The following IL1RAPL1 variants were observed in gnomAD, a reference collection of about 807,000 sequenced individuals.
IL1RAPL1 encodes interleukin-1 receptor accessory protein-like 1.
Under a neutral mutation model 48.4 loss-of-function variants are expected in IL1RAPL1, and 3 were observed. The observed-to-expected ratio is 0.06, with a 90% CI of 0.03 to 0.16. The LOEUF (loss-of-function observed/expected upper bound fraction) is 0.16, where lower values mean the gene tolerates loss of function less well. Among genes scored for constraint, IL1RAPL1 ranks in the 10% least tolerant of loss-of-function variants. The pLI is 1.00. For missense variants in IL1RAPL1, 349 were observed against 530.6 expected, an observed-to-expected ratio of 0.66 and a Z score of 3.36; for synonymous variants, 185 against 187.7, an observed-to-expected ratio of 0.99 and a Z score of 0.12.
chrX:29,631,795 AAAT>A (rs750171487), intron 5 of IL1RAPL1, among the ~76,000 whole-genome samples: 1 of 110,500 alleles, frequency 9.0e-6, no homozygotes, highest in Non-Finnish European at 1.9e-5. Context: ...ACTCTGTCTC[AAAT>A]AATAATAATA....
chrX:28,958,088 A>T (rs1466841433), intron 2 of IL1RAPL1, among the ~76,000 whole-genome samples: 1 of 111,975 alleles, frequency 8.9e-6, no homozygotes, highest in Non-Finnish European at 1.9e-5. Context: ...GCCAGTTATC[A>T]TATGCGTCAC....
intron 2 of IL1RAPL1, among the ~76,000 whole-genome samples, chrX:28,941,309 T>G (rs1266437298): frequency 9.0e-6 from 1 of 111,551 alleles, no homozygotes; most frequent in East Asian, 2.8e-4. Flanking sequence ...TCATTTTGTT[T>G]TTGACTTATC....
intron 2 of IL1RAPL1, among the ~76,000 whole-genome samples, chrX:28,947,764 T>C (rs961179083): frequency 1.8e-5 from 2 of 111,932 alleles, no homozygotes; most frequent in Non-Finnish European, 3.8e-5. Context: ...CAAGTAGTTA[T>C]ATGTACTACT....
At chrX:29,863,782 A>G (rs1931638106) in intron 6 of IL1RAPL1, among the ~76,000 whole-genome samples, 1 of 108,757 alleles carries the variant, frequency 9.2e-6, no homozygotes, top group Non-Finnish European at 1.9e-5. Flanking sequence ...CCACACATAC[A>G]ACTTTTTTTT....
intron 3 of IL1RAPL1, among the ~76,000 whole-genome samples, chrX:29,315,945 A>G (rs775778387): frequency 2.2e-4 from 25 of 111,860 alleles, no homozygotes; most frequent in Admixed American, 3.8e-4. Flanking sequence ...TCAAAGAACA[A>G]TCCAAAGGTT....
intron 5 of IL1RAPL1, among the ~76,000 whole-genome samples, chrX:29,535,134 CAAAAAA>C (rs35842937): frequency 1.3e-4 from 3 of 22,583 alleles, no homozygotes; most frequent in Admixed American, 7.6e-4. Context: ...ACTCTGTCTC[CAAAAAA>C]AAAAAAAAAA....
chrX:28,994,176 G>A (rs1219706000), intron 2 of IL1RAPL1, among the ~76,000 whole-genome samples: 1 of 111,509 alleles, frequency 9.0e-6, no homozygotes, highest in Non-Finnish European at 1.9e-5. Flanking sequence ...AAGCCAATAA[G>A]GAGCATTGAT....
intron 2 of IL1RAPL1, among the ~76,000 whole-genome samples, chrX:29,116,594 A>G (rs1305273971): frequency 8.9e-6 from 1 of 111,904 alleles, no homozygotes; most frequent in African/African-American, 3.2e-5. Context: ...CAGGAGAAAG[A>G]TAAAGAAATG....
chrX:28,647,925 C>CT (rs2146902202), intron 1 of IL1RAPL1, among the ~76,000 whole-genome samples: 1 of 111,819 alleles, frequency 8.9e-6, no homozygotes, highest in African/African-American at 3.2e-5. Context: ...TAAAACATCT[C>CT]TTCATATCCC....
intron 5 of IL1RAPL1, among the ~76,000 whole-genome samples, chrX:29,611,056 AC>A (rs1924075774): frequency 8.9e-6 from 1 of 112,234 alleles, no homozygotes; most frequent in African/African-American, 3.2e-5. Context: ...AAAATATTTA[AC>A]CCCAAAATAT....
chrX:29,240,213 TATA>T (rs1931387061), intron 2 of IL1RAPL1, among the ~76,000 whole-genome samples: 13 of 51,649 alleles, frequency 2.5e-4, no homozygotes, highest in Admixed American at 2.5e-3. Flanking sequence ...TATATATATA[TATA>T]TATATATATT....
At chrX:29,628,943 C>A (rs1924690447) in intron 5 of IL1RAPL1, among the ~76,000 whole-genome samples, 1 of 111,743 alleles carries the variant, frequency 8.9e-6, no homozygotes, top group South Asian at 3.7e-4. Context: ...CTTGGTTGTG[C>A]CTAGACTTGT....
rs1423604802 is a variant in IL1RAPL1, at chrX:29,468,244, T to C, written c.703+68936T>C. On this transcript the variant is annotated intron_variant, in intron 5 of 10. Coordinates refer to ENST00000378993, the MANE Select transcript of IL1RAPL1 (RefSeq NM_014271.4). ...AACTTTAACTTTTTATATTGAATGG[T>C]ATTATTAATATGGAATTTTGTATTT... 6.2e-5 allele frequency among the ~76,000 whole-genome samples: 7 copies of C among 112,757 alleles called. No homozygotes were observed. The East Asian group carries it at 1.7e-3, about 27-fold the overall frequency.
intron 5 of IL1RAPL1, among the ~76,000 whole-genome samples, chrX:29,630,813 C>T (rs756968724): frequency 4.4e-4 from 50 of 112,545 alleles, no homozygotes; most frequent in African/African-American, 1.5e-3. Flanking sequence ...GCTGGGATTA[C>T]AGGCGTGAGC....
chrX:29,338,649 G>A (rs765725103), intron 3 of IL1RAPL1, among the ~76,000 whole-genome samples: 29 of 111,382 alleles, frequency 2.6e-4, no homozygotes, highest in Non-Finnish European at 4.5e-4. Context: ...CGGGAGCTCA[G>A]TTGATATTAT....
chrX:29,931,151 G>T (rs1475537960), intron 8 of IL1RAPL1, among the ~76,000 whole-genome samples: 1 of 110,405 alleles, frequency 9.1e-6, no homozygotes, highest in African/African-American at 3.3e-5. Context: ...TTTTTTCATA[G>T]ATTGTTAATG....
intron 2 of IL1RAPL1, among the ~76,000 whole-genome samples, chrX:29,182,777 G>A (rs1374978316): frequency 9.0e-6 from 1 of 111,370 alleles, no homozygotes; most frequent in Non-Finnish European, 1.9e-5. Context: ...TAGCATACAT[G>A]GCAAAAGGAA....
At chrX:29,593,948 A>C (rs1293482641) in intron 5 of IL1RAPL1, among the ~76,000 whole-genome samples, 2 of 111,429 alleles carry the variant, frequency 1.8e-5, no homozygotes, top group Non-Finnish European at 3.8e-5. Flanking sequence ...TTCACTCTCT[A>C]TTTTTCTAGC....
At chrX:29,108,445 G>T (rs1425201272) in intron 2 of IL1RAPL1, among the ~76,000 whole-genome samples, 4 of 110,629 alleles carry the variant, frequency 3.6e-5, no homozygotes, top group Admixed American at 9.7e-5. Context: ...CTTCTTGCCC[G>T]GGCTGGAATG....
Sources: gnomAD v4.1 joint callset for allele counts (sites outside exome capture counted in the v4.1 genomes callset) on GRCh38, gnomAD v4.1.1 for gene constraint, MANE v1.5 for transcripts, NCBI Gene and HGNC (gene_info 2026-07-23, HGNC 2026-07-21) for gene names.